ST3GAL6: variants seen among roughly 807,000 people sequenced by gnomAD.
ST3GAL6 encodes the protein ST3 beta-galactoside alpha-2,3-sialyltransferase 6.
A neutral mutation model predicts 40.5 loss-of-function variants in ST3GAL6; 31 were observed. The ratio of observed to expected loss-of-function variants is 0.77; its 90% CI spans 0.58 to 1.03. The LOEUF (loss-of-function observed/expected upper bound fraction) is 1.03, where lower values mean the gene tolerates loss of function less well. Among genes scored for constraint, ST3GAL6 ranks in the 50% least tolerant of loss-of-function variants. ST3GAL6 has a pLI of 0.00. For missense variants in ST3GAL6, 357 were observed against 393.2 expected (o/e 0.91, Z 0.78); for synonymous variants, 129 against 136.9 (o/e 0.94, Z 0.40).
chr3:98,767,937 T>TA (rs947400914), intron 1 of ST3GAL6, among the ~76,000 whole-genome samples: 5 of 152,166 alleles, frequency 3.3e-5, no homozygotes, highest in African/African-American at 1.2e-4. Flanking sequence ...TTTCCTCAGT[T>TA]AAAAATTAGA....
chr3:98,772,914 C>G lies in ST3GAL6; in HGVS notation c.269C>G (p.Ser90Ter). The change falls in exon 4 of 10, where the codon TCA (serine) becomes TGA (stop). Residue 90 changes from serine to a stop codon, truncating the protein, a stop_gained and splice_region_variant. Coordinates refer to ENST00000483910, the MANE Select transcript of ST3GAL6 (RefSeq NM_001323368.2). LOFTEE classifies it high-confidence loss of function. Reference sequence around the variant, plus strand: ...GATTTGCCCTATGGGATGAGAACATCAGGTCAGTAGTAGTATTCTTACCTG... The same window carrying G: ...GATTTGCCCTATGGGATGAGAACATGAGGTCAGTAGTAGTATTCTTACCTG... ...KFDLPYGMRT[S>*]AEYFRLALSK... The G allele has an allele frequency of 4.4e-6, 7 of 1,595,156 alleles. No individual in the cohort carries two copies. Among genetic ancestry groups the G allele is most frequent in the Non-Finnish European group, 6.0e-6 (7 of 1,163,242 alleles).
At chr3:98,737,331 G>T (rs1031510072) in intron 1 of ST3GAL6, among the ~76,000 whole-genome samples, 1 of 152,098 alleles carries the variant, frequency 6.6e-6, no homozygotes, top group Non-Finnish European at 1.5e-5. Flanking sequence ...GATTACAGGC[G>T]TGAGCCACCA....
At position 98,788,207 on chromosome 3, in the gene ST3GAL6, G is replaced by A; in HGVS notation, c.603G>A (p.Leu201=). ...ATTTAAGGTGGCTGTTGGAATTGTT[G>A]ATGGGTGACAAAATAGTAAGTAGGC... is the stretch of plus-strand genomic sequence containing the variant. The part of the protein sequence containing the change: ...PHDLRWLLEL[L]MGDKINTNGF... Residue 201 remains leucine, a synonymous_variant, in exon 7 of 10, where the codon TTG becomes TTA. Transcript: ENST00000483910. The A allele has an allele frequency of 6.2e-7, 1 of 1,609,642 alleles. No homozygotes were observed. Among genetic ancestry groups the A allele is most frequent in the South Asian group, 1.1e-5 (1 of 90,086 alleles).
At chr3:98,733,634 T>C (rs1576009238) in intron 1 of ST3GAL6, 1 of 984,002 alleles carries the variant, frequency 1.0e-6, no homozygotes, top group East Asian at 1.1e-4. Context: ...ATTTTCAAGA[T>C]AAGGGAGAAG....
At chr3:98,752,026 A>G (rs1937044979) in intron 1 of ST3GAL6, among the ~76,000 whole-genome samples, 1 of 152,244 alleles carries the variant, frequency 6.6e-6, no homozygotes, top group Admixed American at 6.5e-5. Flanking sequence ...TAAAATAAAT[A>G]TATTCTAACA....
intron 1 of ST3GAL6, among the ~76,000 whole-genome samples, chr3:98,766,918 C>T (rs941604221): frequency 2.6e-5 from 4 of 152,206 alleles, no homozygotes; most frequent in Admixed American, 6.5e-5. Context: ...AGGGTCCCCA[C>T]ACCATATGTA....
At chr3:98,747,612 A>G (rs1447982695) in intron 1 of ST3GAL6, among the ~76,000 whole-genome samples, 1 of 152,222 alleles carries the variant, frequency 6.6e-6, no homozygotes, top group Admixed American at 6.5e-5. Flanking sequence ...TTCTACTCCA[A>G]GGAATGTACA....
chr3:98,746,587 CT>C (rs1936572862), intron 1 of ST3GAL6, among the ~76,000 whole-genome samples: 1 of 151,990 alleles, frequency 6.6e-6, no homozygotes, highest in African/African-American at 2.4e-5. Flanking sequence ...AAAGATCTAC[CT>C]TTTAATGTTT....
chr3:98,769,999 C>T (rs1330800756), intron 2 of ST3GAL6, among the ~76,000 whole-genome samples: 2 of 152,130 alleles, frequency 1.3e-5, no homozygotes, highest in East Asian at 1.9e-4. Flanking sequence ...AAGGAGTTTA[C>T]TAGCCTCACA....
At chr3:98,772,548 TTACTTCCTGAG>T in intron 3 of ST3GAL6, 1 of 213,146 alleles carries the variant, frequency 4.7e-6, no homozygotes, top group South Asian at 1.4e-4. Context: ...AGTTTTGTTT[TTACTTCCTGAG>T]TTGTAACATA....
chr3:98,739,880 A>G (rs56976804), intron 1 of ST3GAL6, among the ~76,000 whole-genome samples: 51,715 of 151,994 alleles, frequency 0.34, 9,464 homozygotes, highest in African/African-American at 0.44. Flanking sequence ...GAATTTTTCA[A>G]CTACATTTTA....
chr3:98,781,469 A>T (rs1940116149), intron 5 of ST3GAL6, among the ~76,000 whole-genome samples: 1 of 126,608 alleles, frequency 7.9e-6, no homozygotes, highest in Non-Finnish European at 1.8e-5. Context: ...CCAGAACTTA[A>T]AGTATAAAAA....
intron 1 of ST3GAL6, among the ~76,000 whole-genome samples, chr3:98,743,000 CT>C (rs71120599): frequency 0.23 from 20,336 of 89,354 alleles, 1,540 homozygotes; most frequent in Admixed American, 0.3. Flanking sequence ...ATGCCAGGCT[CT>C]TTTTTTTTTT....
chr3:98,766,916 C>T (rs887375753), intron 1 of ST3GAL6, among the ~76,000 whole-genome samples: 5 of 152,204 alleles, frequency 3.3e-5, no homozygotes, highest in Non-Finnish European at 7.3e-5. Context: ...TTAGGGTCCC[C>T]ACACCATATG....
At chr3:98,793,422 C>T (rs1430696840) in intron 9 of ST3GAL6, among the ~76,000 whole-genome samples, 1 of 152,084 alleles carries the variant, frequency 6.6e-6, no homozygotes, top group African/African-American at 2.4e-5. Context: ...ATTCGGTCTA[C>T]CAGGGTTTGA....
chr3:98,792,721 G>A (rs1335794177), intron 9 of ST3GAL6, among the ~76,000 whole-genome samples: 1 of 140,412 alleles, frequency 7.1e-6, no homozygotes, highest in African/African-American at 2.7e-5. Context: ...TTTTTGCCAT[G>A]TTGGCCAGGC....
intron 1 of ST3GAL6, among the ~76,000 whole-genome samples, chr3:98,747,834 T>C (rs1936676758): frequency 6.6e-6 from 1 of 152,208 alleles, no homozygotes; most frequent in South Asian, 2.1e-4. Flanking sequence ...TATGTGTTTT[T>C]GTGTGTATAT....
intron 8 of ST3GAL6, 94 bp downstream of exon 8, chr3:98,788,557 A>G: frequency 2.6e-6 from 3 of 1,159,708 alleles, no homozygotes; most frequent in Non-Finnish European, 2.3e-6. Context: ...TGAGAACCAC[A>G]GCTCATGAGA....
chr3:98,773,589 A>G (rs1021890921), intron 4 of ST3GAL6: 1 of 185,276 alleles, frequency 5.4e-6, no homozygotes, highest in Non-Finnish European at 1.1e-5. Context: ...TTTGCAGAGA[A>G]TTTGAGAATT....
Sources: allele counts gnomAD v4.1 joint callset (sites outside exome capture counted in the v4.1 genomes callset), GRCh38; gene constraint gnomAD v4.1.1; transcripts MANE v1.5; gene names NCBI Gene and HGNC (gene_info 2026-07-23, HGNC 2026-07-21).